Variants in BAIAP3 observed in about 807,000 individuals in gnomAD.
The protein encoded by BAIAP3 is BAI1-associated protein 3.
In BAIAP3, 180 loss-of-function variants were observed where a neutral mutation model predicts 149.7. The ratio of observed to expected loss-of-function variants is 1.20; its 90% CI spans 1.07 to 1.36. The LOEUF (loss-of-function observed/expected upper bound fraction) is 1.36, where lower values mean the gene tolerates loss of function less well. Among genes scored for constraint, BAIAP3 ranks in the 40% most tolerant of loss-of-function variants. The pLI is 0.00. For synonymous variants in BAIAP3, 845 were observed against 670.7 expected (o/e 1.26, Z -4.02); for missense variants, 1,767 against 1,563.4 (o/e 1.13, Z -2.20).
At chr16:1,344,575 T>C (rs768595571) in intron 18 of BAIAP3, 26 bp from the exon 19 acceptor site, 59 of 1,611,748 alleles carry the variant, frequency 3.7e-5, no homozygotes, top group Non-Finnish European at 4.9e-5. Context: ...AGCCGAGAGG[T>C]GGGTACGAGC....
chr16:1,341,917 G>A, intron 9 of BAIAP3, 51 bp downstream of exon 9: 1 of 1,598,522 alleles, frequency 6.3e-7, no homozygotes, highest in Non-Finnish European at 8.5e-7. Flanking sequence ...CCTTTTGCGG[G>A]GGAGCAGGAC....
intron 5 of BAIAP3, among the ~76,000 whole-genome samples, chr16:1,340,437 A>AC (rs2033841039): frequency 1.0e-5 from 1 of 99,738 alleles, no homozygotes. Flanking sequence ...GTACACAGAC[A>AC]TGCACACAGG....
rs377746768 is a variant in BAIAP3, at chr16:1,346,688, C to A, written c.2642+4C>A. The A allele has an allele frequency of 2.1e-4, 28 of 132,508 alleles. 1 individual carries two copies. The highest frequency in any genetic ancestry group is 3.6e-4 in the South Asian group (7 of 19,208). 8.2% of individuals were successfully genotyped at this position (132,508 alleles called of 1,614,324 possible). A position where few individuals can be genotyped will look rare whatever the true frequency, so the allele number is the denominator to read the frequency against. On this transcript the variant is annotated splice_donor_region_variant and intron_variant, in intron 27 of 33. Transcript: ENST00000426824. Reference sequence around the variant, plus strand: ...TGGTGAAGGGGAACCTGAGCAGGTGCGGGCGGGTGGGGTGGGATGGGCTGG... The same window carrying A: ...TGGTGAAGGGGAACCTGAGCAGGTGAGGGCGGGTGGGGTGGGATGGGCTGG...
rs201823456 is a variant in BAIAP3, at chr16:1,347,331, G to A, written c.2785G>A (p.Gly929Ser). ...CAGTTTTTTCCACGCAGAGGGTCAGGGTTTGCCCCTGGAGAGCCTGAGGGA... is the reference window on the plus strand; with the variant it reads ...CAGTTTTTTCCACGCAGAGGGTCAGAGTTTGCCCCTGGAGAGCCTGAGGGA... ...LVSFFHAEGQ[G>S]LPLESLRDGS... is the part of the protein sequence containing the mutation. The change falls in exon 29 of 34, where the codon GGT becomes AGT. Residue 929 changes from glycine to serine, a missense_variant. By Grantham distance (56) the Gly-to-Ser change is moderately conservative (BLOSUM62 0). Coordinates refer to ENST00000426824, the MANE Select transcript of BAIAP3 (RefSeq NM_001199097.2). 123 of 1,613,420 alleles carry A rather than the reference G, an allele frequency of 7.6e-5. No individual in the cohort carries two copies. The highest frequency in any genetic ancestry group is 8.6e-5 in the Non-Finnish European group (101 of 1,179,984).
Position 1,345,018 on chromosome 16 carries a change from C to A in BAIAP3, c.1859C>A (p.Thr620Asn). 6.2e-7 allele frequency: 1 copy of A among 1,612,628 alleles called. No individual in the cohort carries two copies. ...VLTEELSPKM[T>N]LEVASGLFEL... ...ACGGAGGAGCTGAGCCCCAAGATGACCCTGGAGGTGGCCTCGGGGCTCTTT... is the reference window on the plus strand; with the variant it reads ...ACGGAGGAGCTGAGCCCCAAGATGAACCTGGAGGTGGCCTCGGGGCTCTTT... Residue 620 changes from threonine to asparagine, a missense_variant, in exon 21 of 34, where the codon ACC becomes AAC. Thr to Asn is a moderately conservative substitution (Grantham distance 65). Coordinates refer to ENST00000426824, the MANE Select transcript of BAIAP3 (RefSeq NM_001199097.2).
intron 14 of BAIAP3, 57 bp from the exon 15 acceptor site, chr16:1,343,336 G>A (rs2034065912): frequency 1.9e-6 from 3 of 1,558,384 alleles, no homozygotes; most frequent in Non-Finnish European, 2.6e-6. Flanking sequence ...AGGCGGTGCT[G>A]AGTGGGCATG....
intron 4 of BAIAP3, 125 bp downstream of exon 4, chr16:1,339,369 G>C: frequency 6.7e-7 from 1 of 1,486,208 alleles, no homozygotes; most frequent in Non-Finnish European, 9.1e-7. Flanking sequence ...GGGTGGGTGA[G>C]TGAGGAGCGG....
At chr16:1,341,898 G>A (rs1367689771) in intron 9 of BAIAP3, 32 bp downstream of exon 9, 1 of 1,604,444 alleles carries the variant, frequency 6.2e-7, no homozygotes, top group East Asian at 2.2e-5. Flanking sequence ...AGGGCGGCGG[G>A]GATGCACACC....
At position 1,338,575 on chromosome 16, in the gene BAIAP3, G is replaced by A. The variant is rs778099100; in HGVS notation, c.26G>A (p.Ser9Asn). The change falls in exon 2 of 34, where the codon AGC (serine) becomes AAC (asparagine). Residue 9 changes from serine to asparagine, a missense_variant. Coordinates refer to ENST00000426824, the MANE Select transcript of BAIAP3 (RefSeq NM_001199097.2). MSTLLDIK[S>N]SVLRQVQVCP... ...ATGTCGACCTTGCTGGACATTAAGA[G>A]CAGCGTGCTCAGGCAGGTGCAGGTG... 3 of 1,610,164 alleles carry A rather than the reference G, an allele frequency of 1.9e-6. No individual in the cohort carries two copies. Among genetic ancestry groups the A allele is most frequent in the Non-Finnish European group, 2.5e-6 (3 of 1,178,876 alleles).
intron 31 of BAIAP3, 34 bp from the exon 32 acceptor site, chr16:1,347,860 G>C: frequency 1.9e-6 from 3 of 1,606,894 alleles, no homozygotes; most frequent in Non-Finnish European, 2.5e-6. Context: ...GTGGTGGGAT[G>C]GGGGCAGGGG....
rs2141624867 is a variant in BAIAP3 at position 1,348,860 on chromosome 16, C to T, written c.*378C>T. The T allele has an allele frequency of 2.8e-6, 1 of 356,370 alleles. No individual in the cohort carries two copies. The highest frequency in any genetic ancestry group is 6.0e-5 in the East Asian group (1 of 16,642). 22.1% of individuals were successfully genotyped at this position (356,370 alleles called of 1,614,324 possible). On this transcript the variant is annotated 3_prime_UTR_variant, in exon 34 of 34. Transcript: ENST00000426824. ...ACTCAGTGAGTGGCTGTGCTCTCTG[C>T]ACAACGGGCAATGTGCAGACGCATT...
In BAIAP3 at chr16:1,348,480, T is replaced by C. The variant is rs762335985; in HGVS notation, c.3457T>C (p.Ter1153ArgextTer39). ...ELEKCMEADP[*>R] ...GGAGAAGTGCATGGAGGCGGACCCC[T>C]GAGTCCATCAGCTGCCAGCCCCGGC... Residue 1153 changes from the stop codon to arginine (R), a stop_lost, in exon 34 of 34, where the codon TGA becomes CGA. Transcript: ENST00000426824. 2.5e-6 allele frequency: 4 copies of C among 1,606,434 alleles called. No homozygotes were observed. Among genetic ancestry groups the C allele is most frequent in the Admixed American group, 3.4e-5 (2 of 59,404 alleles).
In BAIAP3 at chr16:1,346,457, C is replaced by T. The variant is rs560503607; in HGVS notation, c.2509C>T (p.Arg837Cys). 116 of 1,612,482 alleles carry T rather than the reference C, an allele frequency of 7.2e-5. 2 individuals carry two copies. The South Asian group carries it at 9.2e-4, about 13-fold the overall frequency. The change falls in exon 26 of 34, where the codon CGC (arginine) becomes TGC (cysteine). Residue 837 changes from arginine (R) to cysteine (C), a missense_variant. Physicochemically the swap from Arg to Cys is radical, Grantham distance 180. Transcript: ENST00000426824. Reference protein sequence around the residue: ...HLTSKMVGDIRKYVQHISLSP... With the variant: ...HLTSKMVGDICKYVQHISLSP... ...CTGCCCTCAGATGGTGGGCGACATC[C>T]GCAAGTATGTACAGCACATCAGTCT...
chr16:1,336,358 G>A (rs79575281), intron 1 of BAIAP3: 10 of 985,278 alleles, frequency 1.0e-5, no homozygotes, highest in Non-Finnish European at 1.2e-5. Flanking sequence ...CATCTTTTGG[G>A]GGGGAGGCTC....
chr16:1,343,830 C>G (rs1437535725), intron 15 of BAIAP3, among the ~76,000 whole-genome samples, 192 bp from the exon 16 acceptor site: 1 of 152,202 alleles, frequency 6.6e-6, no homozygotes, highest in African/African-American at 2.4e-5. Flanking sequence ...CCTACGTGAG[C>G]TGCGTGGGTG....
rs566490510 is a variant in BAIAP3, at chr16:1,345,026, G to A, written c.1867G>A (p.Val623Met). 31 of 1,612,396 alleles carry A rather than the reference G, an allele frequency of 1.9e-5. No individual in the cohort carries two copies. The highest frequency in any genetic ancestry group is 4.0e-5 in the African/African-American group (3 of 74,872). ...GCTGAGCCCCAAGATGACCCTGGAG[G>A]TGGCCTCGGGGCTCTTTGAGCTCTA... ...EELSPKMTLE[V>M]ASGLFELYLT... The change falls in exon 21 of 34, where the codon GTG (valine) becomes ATG (methionine). Residue 623 changes from valine to methionine, a missense_variant. Transcript: ENST00000426824.
intron 13 of BAIAP3, 48 bp from the exon 14 acceptor site, chr16:1,342,865 G>C (rs775975844): frequency 6.2e-7 from 1 of 1,612,202 alleles, no homozygotes; most frequent in East Asian, 2.2e-5. Flanking sequence ...CCTGAGGAGG[G>C]GATGTGGGGC....
intron 28 of BAIAP3, 131 bp downstream of exon 28, chr16:1,347,086 C>T: frequency 1.1e-6 from 1 of 948,446 alleles, no homozygotes; most frequent in Middle Eastern, 2.9e-4. Flanking sequence ...GTCCACAGCG[C>T]CTCCTCCCGT....
Position 1,345,392 on chromosome 16 carries a change from G to C in BAIAP3, c.2064+20G>C, listed in dbSNP as rs971722482. ...GACACGGTGACAGCTGCCCTGGCCT[G>C]AGGACACTGGGGCTGGTCCAGGCCC... On this transcript the variant is annotated intron_variant, in intron 22 of 33. Coordinates refer to ENST00000426824, the MANE Select transcript of BAIAP3 (RefSeq NM_001199097.2). 1 of 1,601,678 alleles carries C rather than the reference G, an allele frequency of 6.2e-7. No homozygotes were observed. Among genetic ancestry groups the C allele is most frequent in the Non-Finnish European group, 8.5e-7 (1 of 1,173,868 alleles).
Sources: allele counts gnomAD v4.1 joint callset (sites outside exome capture counted in the v4.1 genomes callset), GRCh38; gene constraint gnomAD v4.1.1; transcripts MANE v1.5; gene names NCBI Gene and HGNC (gene_info 2026-07-23, HGNC 2026-07-21).